MTUS2: variants seen among roughly 807,000 people sequenced by gnomAD.
The protein encoded by MTUS2 is microtubule-associated tumor suppressor candidate 2.
MTUS2 carries 40 observed loss-of-function variants against 114.1 expected under a neutral mutation model. The observed-to-expected ratio is 0.35, with a 90% CI of 0.27 to 0.46. The LOEUF is 0.46. Ranked by LOEUF, MTUS2 falls within the 20% of genes least tolerant of loss-of-function variation. The probability of loss-of-function intolerance (pLI) is 1.00; values close to 1 mark genes in which losing one functional copy is unlikely to be tolerated. For missense variants in MTUS2, 1,679 were observed against 1,705.4 expected (o/e 0.98, Z 0.27); for synonymous variants, 688 against 672.0 (o/e 1.02, Z -0.37).
chr13:28,845,824 G>GT (rs1306162961), intron 2 of MTUS2, among the ~76,000 whole-genome samples: 1 of 151,830 alleles, frequency 6.6e-6, no homozygotes, highest in Non-Finnish European at 1.5e-5. Context: ...TTATGTTACA[G>GT]TTTCCTTACC....
intron 10 of MTUS2, chr13:29,487,573 C>T: frequency 3.4e-6 from 1 of 291,802 alleles, no homozygotes; most frequent in East Asian, 7.7e-5. Flanking sequence ...TTTTCCTTTG[C>T]CGTCATCGCT....
rs796451081 is a variant in MTUS2 at position 29,194,750 on chromosome 13, T to C, written c.2645-86954T>C. On this transcript the variant is annotated intron_variant, in intron 5 of 15. Transcript: ENST00000612955. The stretch of plus-strand genomic sequence containing the variant: ...CCCAGCCATCCCATTACTGGGTATA[T>C]ACCCAAAGGACTATAAATCATGCTG... Among the ~76,000 whole-genome samples the C allele has an allele frequency of 2.6e-5, 4 of 151,892 alleles. No homozygotes were observed. In the South Asian group the frequency reaches 8.4e-4, roughly 32 times the overall value.
chr13:29,090,375 A>T (rs2479797), intron 4 of MTUS2, among the ~76,000 whole-genome samples: 71,212 of 152,068 alleles, frequency 0.47, 17,171 homozygotes, highest in Non-Finnish European at 0.51. Context: ...GTGCTCTGGT[A>T]GGGTAGTGGA....
Position 29,282,185 on chromosome 13 carries a change from T to C in MTUS2, c.2806+320T>C, listed in dbSNP as rs553892576. Among the ~76,000 whole-genome samples the C allele has an allele frequency of 5.3e-5, 8 of 152,352 alleles. No homozygotes were observed. In the South Asian group the frequency reaches 1.7e-3, roughly 32 times the overall value. On this transcript the variant is annotated intron_variant, in intron 6 of 15. Transcript: ENST00000612955. Reference sequence around the variant, plus strand: ...GTGCTGACGATATCATCGCAAGGACTGTAGGATAGCAAGCTTCAGGCTGCG... The same window carrying C: ...GTGCTGACGATATCATCGCAAGGACCGTAGGATAGCAAGCTTCAGGCTGCG...
intron 2 of MTUS2, among the ~76,000 whole-genome samples, chr13:28,841,823 A>T (rs112493140): frequency 0.012 from 1,819 of 152,074 alleles, 39 homozygotes; most frequent in African/African-American, 0.041. Context: ...AGCAGCTGGG[A>T]TTACAGATGC....
chr13:29,366,031 C>A (rs1461712771), intron 8 of MTUS2, among the ~76,000 whole-genome samples: 1 of 152,142 alleles, frequency 6.6e-6, no homozygotes, highest in East Asian at 1.9e-4. Flanking sequence ...ACTAAGGGTC[C>A]AGTTTCAAGG....
intron 2 of MTUS2, among the ~76,000 whole-genome samples, chr13:28,909,964 T>A (rs1880304031): frequency 6.6e-6 from 1 of 152,238 alleles, no homozygotes; most frequent in East Asian, 1.9e-4. Context: ...GATACAAGCA[T>A]GCAGTGCATA....
intron 6 of MTUS2, among the ~76,000 whole-genome samples, chr13:29,304,342 G>A (rs1313745022): frequency 6.6e-6 from 1 of 152,088 alleles, no homozygotes; most frequent in Non-Finnish European, 1.5e-5. Flanking sequence ...GGCACAGAAT[G>A]GCAAGCTGGA....
Position 29,141,405 on chromosome 13 carries a change from G to A in MTUS2, c.2644+40435G>A, listed in dbSNP as rs183840310. Among the ~76,000 whole-genome samples the A allele has an allele frequency of 3.3e-5, 5 of 152,292 alleles. No individual in the cohort carries two copies. The East Asian group carries it at 9.7e-4, about 29-fold the overall frequency. ...AATATCCAGGCAGATAGTGAGTAGAGGACGTTTTCGGGCAGAAGTTACAGC... is the reference window on the plus strand; with the variant it reads ...AATATCCAGGCAGATAGTGAGTAGAAGACGTTTTCGGGCAGAAGTTACAGC... On this transcript the variant is annotated intron_variant, in intron 5 of 15. Coordinates refer to ENST00000612955, the MANE Select transcript of MTUS2 (RefSeq NM_001033602.4).
intron 5 of MTUS2, among the ~76,000 whole-genome samples, chr13:29,195,539 GAAAAAA>G (rs59726006): frequency 1.1e-4 from 9 of 78,522 alleles, no homozygotes; most frequent in African/African-American, 3.4e-4. Flanking sequence ...ACTTAATTCT[GAAAAAA>G]AAAAAAAAAA....
At chr13:28,951,942 G>A (rs927079991) in intron 2 of MTUS2, among the ~76,000 whole-genome samples, 1 of 152,176 alleles carries the variant, frequency 6.6e-6, no homozygotes, top group African/African-American at 2.4e-5. Context: ...AGGGCAGGGT[G>A]GCATTTGTTG....
chr13:28,921,276 G>C (rs1287160538), intron 2 of MTUS2, among the ~76,000 whole-genome samples: 3 of 152,190 alleles, frequency 2.0e-5, no homozygotes, highest in Non-Finnish European at 2.9e-5. Flanking sequence ...GCCAGGGCTG[G>C]GTCCTTGCCT....
At chr13:29,434,225 A>G (rs1296452975) in intron 8 of MTUS2, among the ~76,000 whole-genome samples, 1 of 152,240 alleles carries the variant, frequency 6.6e-6, no homozygotes, top group Non-Finnish European at 1.5e-5. Context: ...TAGCCAACCA[A>G]GAATTCCTGC....
intron 8 of MTUS2, among the ~76,000 whole-genome samples, chr13:29,410,325 C>A (rs1214217634): frequency 6.6e-6 from 1 of 152,114 alleles, no homozygotes; most frequent in Admixed American, 6.5e-5. Context: ...TGGGATTTCA[C>A]CATGTTGGCC....
At chr13:29,225,290 C>A (rs116269417) in intron 5 of MTUS2, among the ~76,000 whole-genome samples, 4 of 152,084 alleles carry the variant, frequency 2.6e-5, no homozygotes, top group African/African-American at 9.7e-5. Flanking sequence ...ATTTTTAATC[C>A]GTTACTGGCA....
At chr13:29,041,170 GCCAATTATCCCAGCA>G (rs1031312354) in intron 4 of MTUS2, among the ~76,000 whole-genome samples, 9 of 151,624 alleles carry the variant, frequency 5.9e-5, no homozygotes, top group African/African-American at 2.2e-4. Context: ...CATTATTCTT[GCCAATTATCCCAGCA>G]CCATTTGTTG....
chr13:29,261,079 G>T (rs563234820), intron 5 of MTUS2, among the ~76,000 whole-genome samples: 1 of 152,152 alleles, frequency 6.6e-6, no homozygotes. Context: ...ATTATCATCC[G>T]CCTGGACCCT....
chr13:29,010,273 G>A (rs1004025581), intron 2 of MTUS2, among the ~76,000 whole-genome samples: 3 of 150,424 alleles, frequency 2.0e-5, no homozygotes, highest in African/African-American at 7.3e-5. Context: ...ACAGTCACAC[G>A]CAGAATGCTT....
chr13:29,433,754 A>G (rs1427103390), intron 8 of MTUS2, among the ~76,000 whole-genome samples: 1 of 152,238 alleles, frequency 6.6e-6, no homozygotes, highest in Non-Finnish European at 1.5e-5. Context: ...ATGAAGTTCT[A>G]CCATGTTGAT....
Sources: allele counts gnomAD v4.1 joint callset (sites outside exome capture counted in the v4.1 genomes callset), GRCh38; gene constraint gnomAD v4.1.1; transcripts MANE v1.5; gene names NCBI Gene and HGNC (gene_info 2026-07-23, HGNC 2026-07-21).